Variants in MGAT5 observed in about 807,000 individuals in gnomAD.
MGAT5 encodes alpha-1,6-mannosylglycoprotein 6-beta-N-acetylglucosaminyltransferase A.
MGAT5 carries 30 observed loss-of-function variants against 94.3 expected under a neutral mutation model. The observed-to-expected ratio is 0.32, with a 90% confidence interval of 0.24 to 0.43. The LOEUF is 0.43. MGAT5 is among the 20% of genes least tolerant of loss of function. MGAT5 has a pLI of 1.00. For missense variants in MGAT5, 691 were observed against 905.5 expected (o/e 0.76, Z 3.04); for synonymous variants, 310 against 322.9 (o/e 0.96, Z 0.43).
rs62170042 is a variant in MGAT5 at position 134,449,068 on chromosome 2, G to T, written c.*221G>T. 0.054 allele frequency: 30,654 copies of T among 570,532 alleles called. 1,083 individuals carry two copies. Among genetic ancestry groups the T allele is most frequent in the Admixed American group, 0.11 (3,464 of 32,462 alleles). 35.3% of individuals were successfully genotyped at this position (570,532 alleles called of 1,614,324 possible). A position where few individuals can be genotyped will look rare whatever the true frequency, so the allele number is the denominator to read the frequency against. ...GTATGTCAGGCCAGGAGCCTGGCTT[G>T]TCCCTGGCACAACATCATTTCTGTT... On this transcript the variant is annotated 3_prime_UTR_variant, in exon 16 of 16. Coordinates refer to ENST00000281923, the MANE Select transcript of MGAT5 (RefSeq NM_002410.5).
chr2:134,398,456 G>A (rs1317155423), intron 10 of MGAT5, among the ~76,000 whole-genome samples: 3 of 152,168 alleles, frequency 2.0e-5, no homozygotes, highest in Non-Finnish European at 2.9e-5. Flanking sequence ...TTTAATGACA[G>A]GTCATAAGGT....
intron 1 of MGAT5, among the ~76,000 whole-genome samples, chr2:134,181,785 G>C (rs1268123399): frequency 5.9e-5 from 9 of 152,112 alleles, no homozygotes; most frequent in Non-Finnish European, 1.3e-4. Context: ...TTACACAGTT[G>C]GTCCCAATGC....
rs968448144 is a variant in MGAT5, at chr2:134,156,033, T to C, written c.-143+35742T>C. Among the ~76,000 whole-genome samples the C allele has an allele frequency of 2.0e-5, 3 of 152,276 alleles. No individual in the cohort carries two copies. The South Asian group carries it at 6.2e-4, about 32-fold the overall frequency. ...CATCCGTAGGCTTGCTTGATTTATA[T>C]CTTCAAGCTCTCCTATACTTTATGC... On this transcript the variant is annotated intron_variant, in intron 1 of 16. Coordinates refer to the MGAT5 transcript ENST00000409645.
intron 10 of MGAT5, among the ~76,000 whole-genome samples, chr2:134,399,247 T>G (rs1682895635): frequency 6.6e-6 from 1 of 152,224 alleles, no homozygotes; most frequent in Non-Finnish European, 1.5e-5. Context: ...GATTCTCTAG[T>G]TCTGCATTCT....
intron 1 of MGAT5, among the ~76,000 whole-genome samples, chr2:134,189,852 G>A (rs1484938430): frequency 3.3e-5 from 5 of 151,738 alleles, no homozygotes; most frequent in African/African-American, 1.2e-4. Context: ...CACCCACCTC[G>A]GCCTCCCAAA....
intron 1 of MGAT5, among the ~76,000 whole-genome samples, chr2:134,137,385 C>T (rs1172133692): frequency 1.3e-5 from 2 of 152,160 alleles, no homozygotes; most frequent in African/African-American, 4.8e-5. Flanking sequence ...GGTGCTCTGC[C>T]GCTGCTGTAC....
chr2:134,369,139 A>G (rs1680622287), intron 10 of MGAT5, among the ~76,000 whole-genome samples: 1 of 152,174 alleles, frequency 6.6e-6, no homozygotes. Context: ...CTCGGAAACT[A>G]CTTGATGACT....
At chr2:134,185,124 T>C (rs949155370) in intron 1 of MGAT5, among the ~76,000 whole-genome samples, 2 of 152,068 alleles carry the variant, frequency 1.3e-5, no homozygotes, top group Non-Finnish European at 2.9e-5. Context: ...ATGATGGACT[T>C]TGGGGACTCT....
chr2:134,403,253 G>A (rs1401075660), intron 11 of MGAT5, 116 bp downstream of exon 11: 1 of 1,135,800 alleles, frequency 8.8e-7, no homozygotes, highest in African/African-American at 1.6e-5. Flanking sequence ...GCTATTTTGG[G>A]GCAGCAGTTT....
At chr2:134,342,505 A>G (rs962715490) in intron 7 of MGAT5, among the ~76,000 whole-genome samples, 1 of 152,176 alleles carries the variant, frequency 6.6e-6, no homozygotes, top group Non-Finnish European at 1.5e-5. Context: ...GGCTCCCAGC[A>G]CTTCGGGAGG....
chr2:134,259,201 G>T (rs1683166491), intron 1 of MGAT5, among the ~76,000 whole-genome samples: 1 of 152,156 alleles, frequency 6.6e-6, no homozygotes, highest in Admixed American at 6.5e-5. Context: ...TGCCTCCCAG[G>T]CAAGTGTAGA....
intron 1 of MGAT5, among the ~76,000 whole-genome samples, chr2:134,163,691 A>G (rs1218367123): frequency 6.6e-6 from 1 of 152,192 alleles, no homozygotes; most frequent in African/African-American, 2.4e-5. Context: ...TGCATTTGTT[A>G]TTAGAAAATT....
chr2:134,163,228 G>A (rs1394366972), intron 1 of MGAT5, among the ~76,000 whole-genome samples: 1 of 152,208 alleles, frequency 6.6e-6, no homozygotes, highest in Non-Finnish European at 1.5e-5. Flanking sequence ...AGAAAAGGTA[G>A]ATTTCTTAGT....
chr2:134,248,918 G>T (rs1682433301), intron 1 of MGAT5, among the ~76,000 whole-genome samples: 1 of 152,250 alleles, frequency 6.6e-6, no homozygotes. Flanking sequence ...GAACTGGGCT[G>T]CTGCTCAGTG....
At position 134,453,634 on chromosome 2, in the gene MGAT5, C is replaced by T. The variant is rs1010823495; in HGVS notation, c.*4787C>T. The T allele has an allele frequency of 1.3e-5, 2 of 152,214 alleles. No homozygotes were observed. The highest frequency in any genetic ancestry group is 4.8e-5 in the African/African-American group (2 of 41,446). The allele number at this position is 152,214 out of a possible 1,614,324, so 9.4% of individuals were successfully genotyped here. Reference sequence around the variant, plus strand: ...CCCCTACAGGCTGGGGTGGCCCCTCCTGTCCTCAGGGATCAGACTCCCAGA... The same window carrying T: ...CCCCTACAGGCTGGGGTGGCCCCTCTTGTCCTCAGGGATCAGACTCCCAGA... On this transcript the variant is annotated 3_prime_UTR_variant, in exon 16 of 16. Transcript: ENST00000281923.
In MGAT5 at chr2:134,240,357, G is replaced by GTTTTTTTTTTTTTTTTTTT. The variant is rs11316083; in HGVS notation, c.-142-13890_-142-13889insTTTTTTTTTTTTTTTTTTT. Among the ~76,000 whole-genome samples the GTTTTTTTTTTTTTTTTTTT allele has an allele frequency of 1.1e-4, 16 of 146,814 alleles. No homozygotes were observed. The East Asian group carries it at 2.7e-3, about 25-fold the overall frequency. On this transcript the variant is annotated intron_variant, in intron 1 of 16. Transcript: ENST00000409645. ...TGAGCTTTCATTCTAAAATGAAAGT[G>GTTTTTTTTTTTTTTTTTTT]TTTTTTTTTTTTTTTACTATTTGTA...
intron 1 of MGAT5, among the ~76,000 whole-genome samples, chr2:134,139,115 T>C (rs571084520): frequency 6.6e-6 from 1 of 152,320 alleles, no homozygotes; most frequent in South Asian, 2.1e-4. Flanking sequence ...GCCAGAGAAA[T>C]GTCTACTAGA....
intron 1 of MGAT5, among the ~76,000 whole-genome samples, chr2:134,126,509 T>C (rs1685845755): frequency 6.6e-6 from 1 of 152,226 alleles, no homozygotes; most frequent in Admixed American, 6.5e-5. Flanking sequence ...TTCAGGTTGT[T>C]TTTGCCCTGG....
At chr2:134,365,734 T>C (rs183847736) in intron 10 of MGAT5, among the ~76,000 whole-genome samples, 1 of 152,160 alleles carries the variant, frequency 6.6e-6, no homozygotes, top group East Asian at 1.9e-4. Context: ...TTTTCCCAGA[T>C]TATATATCCT....
Sources: gnomAD v4.1 joint callset for allele counts (sites outside exome capture counted in the v4.1 genomes callset) on GRCh38, gnomAD v4.1.1 for gene constraint, MANE v1.5 for transcripts, NCBI Gene and HGNC (gene_info 2026-07-23, HGNC 2026-07-21) for gene names.